The following ABCB5 variants were observed in gnomAD, a reference collection of about 807,000 sequenced individuals.
ABCB5 encodes the protein ATP binding cassette subfamily B member 5, also known as ATP-binding cassette sub-family B member 5.
ABCB5 carries 155 observed loss-of-function variants against 144.2 expected under a neutral mutation model. That is an observed-to-expected ratio of 1.08 (90% CI 0.94 to 1.23). The LOEUF is 1.23. ABCB5 is among the 50% of genes most tolerant of loss of function. ABCB5 has a pLI of 0.00. For synonymous variants in ABCB5, 610 were observed against 528.6 expected, an observed-to-expected ratio of 1.15 and a Z score of -2.11; for missense variants, 1,830 against 1,520.8, an observed-to-expected ratio of 1.20 and a Z score of -3.38.
At chr7:20,748,924 TTG>T (rs1782821197) in intron 26 of ABCB5, among the ~76,000 whole-genome samples, 1 of 152,174 alleles carries the variant, frequency 6.6e-6, no homozygotes, top group African/African-American at 2.4e-5. Flanking sequence ...GCAAATTGAA[TTG>T]TGTCACACTT....
At chr7:20,628,625 G>A (rs953457146) in intron 3 of ABCB5, 63 bp from the exon 4 acceptor site, 29 of 1,543,154 alleles carry the variant, frequency 1.9e-5, no homozygotes, top group African/African-American at 9.5e-5. Flanking sequence ...GTGTGTGTGT[G>A]TGTGTGCTTG....
intron 16 of ABCB5, among the ~76,000 whole-genome samples, chr7:20,693,268 A>T (rs1786295485): frequency 6.6e-6 from 1 of 152,072 alleles, no homozygotes; most frequent in South Asian, 2.1e-4. Context: ...TGGAAGGCTG[A>T]TATAGGAGGA....
At chr7:20,685,544 C>A (rs967927682) in intron 15 of ABCB5, 152 bp from the exon 16 acceptor site, 3 of 616,058 alleles carry the variant, frequency 4.9e-6, no homozygotes, top group Non-Finnish European at 8.1e-6. Context: ...TATCAGCTCT[C>A]TATCAAGCCT....
Position 20,661,534 on chromosome 7 carries a change from C to CTCTTTTTTTTTT in ABCB5, c.1707+2859_1707+2860insCTTTTTTTTTTT, listed in dbSNP as rs1406657803. ...TATTCTTTTTTGCTTTCTTTCTTTT[C>CTCTTTTTTTTTT]TTTTTCTTTTTTTTTTTTTGAGACC... On this transcript the variant is annotated intron_variant, in intron 14 of 27. Transcript: ENST00000404938. 4.8e-4 allele frequency among the ~76,000 whole-genome samples: 64 copies of CTCTTTTTTTTTT among 132,416 alleles called. 2 individuals are homozygous for CTCTTTTTTTTTT. Among genetic ancestry groups the CTCTTTTTTTTTT allele is most frequent in the Admixed American group, 1.8e-3 (24 of 13,502 alleles). 86.9% of individuals were successfully genotyped at this position (132,416 alleles called of 152,430 possible). A position where few individuals can be genotyped will look rare whatever the true frequency, so the allele number is the denominator to read the frequency against.
At chr7:20,632,575 A>G (rs530461885) in intron 5 of ABCB5, among the ~76,000 whole-genome samples, 102 of 152,198 alleles carry the variant, frequency 6.7e-4, no homozygotes, top group African/African-American at 2.1e-3. Flanking sequence ...TGTTTATTGC[A>G]GCACTATTCA....
chr7:20,699,934 G>T lies in ABCB5; in HGVS notation c.2259+5G>T. The T allele has an allele frequency of 6.2e-7, 1 of 1,609,020 alleles. No individual in the cohort carries two copies. The highest frequency in any genetic ancestry group is 2.2e-5 in the East Asian group (1 of 44,740). Reference sequence around the variant, plus strand: ...TTTGTCAGTTATTTCATGCAGGTAAGCTTTTAATAAACAAGCCTGAGCATG... The same window carrying T: ...TTTGTCAGTTATTTCATGCAGGTAATCTTTTAATAAACAAGCCTGAGCATG... On this transcript the variant is annotated splice_donor_5th_base_variant and intron_variant, in intron 18 of 27. Coordinates refer to ENST00000404938, the MANE Select transcript of ABCB5 (RefSeq NM_001163941.2).
In ABCB5 at chr7:20,680,623, G is replaced by T. The variant is rs546435606; in HGVS notation, c.1708-882G>T. On this transcript the variant is annotated intron_variant, in intron 14 of 27. Coordinates refer to ENST00000404938, the MANE Select transcript of ABCB5 (RefSeq NM_001163941.2). ...GAAAAGAGCATGAGATGGACTTGTG[G>T]GTGCTGGTAATGATGGGATTCTTGA... Among the ~76,000 whole-genome samples, 32 of 151,864 alleles carry T rather than the reference G, an allele frequency of 2.1e-4. No homozygotes were observed. In the South Asian group the frequency reaches 6.7e-3, roughly 32 times the overall value.
intron 4 of ABCB5, among the ~76,000 whole-genome samples, chr7:20,629,117 C>T (rs1783974486): frequency 7.4e-6 from 1 of 135,250 alleles, no homozygotes; most frequent in Non-Finnish European, 1.6e-5. Context: ...ATAGGATGTG[C>T]GTTAGAAACA....
At chr7:20,665,698 A>G (rs1583408661) in intron 14 of ABCB5, among the ~76,000 whole-genome samples, 1 of 151,498 alleles carries the variant, frequency 6.6e-6, no homozygotes, top group Non-Finnish European at 1.5e-5. Flanking sequence ...GCAGTGATCC[A>G]TTTATCTGGA....
chr7:20,755,312 TG>T, intron 27 of ABCB5, 114 bp from the exon 28 acceptor site: 1 of 842,620 alleles, frequency 1.2e-6, no homozygotes, highest in Middle Eastern at 3.2e-4. Flanking sequence ...GCAGTTCCTT[TG>T]GGGACAAGCA....
At chr7:20,702,720 G>A (rs140511975) in intron 19 of ABCB5, among the ~76,000 whole-genome samples, 2 of 140,200 alleles carry the variant, frequency 1.4e-5, no homozygotes, top group African/African-American at 5.5e-5. Context: ...GGACTGCAAT[G>A]GCGTGATCTC....
intron 12 of ABCB5, 45 bp downstream of exon 12, chr7:20,650,192 C>G: frequency 6.3e-7 from 1 of 1,599,970 alleles, no homozygotes; most frequent in Non-Finnish European, 8.5e-7. Context: ...CTAATGGAAT[C>G]TGGAAACACC....
chr7:20,632,007 G>A lies in ABCB5; in HGVS notation c.260-52G>A, dbSNP rs1037129269. 4.0e-6 allele frequency: 5 copies of A among 1,252,224 alleles called. No homozygotes were observed. The South Asian group carries it at 7.6e-5, about 19-fold the overall frequency. The allele number at this position is 1,252,224 out of a possible 1,614,324, so 77.6% of individuals were successfully genotyped here. A position where few individuals can be genotyped will look rare whatever the true frequency, so the allele number is the denominator to read the frequency against. ...TTTGGAGGGCTATCTGTGTAACAGTGTGACCAATTATAAATTAATTTCCTC... is the reference window on the plus strand; with the variant it reads ...TTTGGAGGGCTATCTGTGTAACAGTATGACCAATTATAAATTAATTTCCTC... On this transcript the variant is annotated intron_variant, in intron 4 of 27. Transcript: ENST00000404938.
Position 20,750,633 on chromosome 7 carries a change from A to T in ABCB5, c.3430-2727A>T, listed in dbSNP as rs558120199. Among the ~76,000 whole-genome samples, 15 of 152,302 alleles carry T rather than the reference A, an allele frequency of 9.8e-5. No homozygotes were observed. In the South Asian group the frequency reaches 2.9e-3, roughly 29 times the overall value. On this transcript the variant is annotated intron_variant, in intron 26 of 27. Coordinates refer to ENST00000404938, the MANE Select transcript of ABCB5 (RefSeq NM_001163941.2). The stretch of plus-strand genomic sequence containing the variant: ...ATAATATATTATCTATTAAATATAG[A>T]TAACATATCGTATATGTATAATACG...
chr7:20,713,181 T>C (rs1348937135), intron 20 of ABCB5, among the ~76,000 whole-genome samples: 2 of 149,632 alleles, frequency 1.3e-5, no homozygotes, highest in Non-Finnish European at 3.0e-5. Context: ...TTGGTGTCCA[T>C]GGATTCATTT....
intron 14 of ABCB5, among the ~76,000 whole-genome samples, chr7:20,680,549 G>C (rs1006672993): frequency 2.1e-5 from 3 of 145,998 alleles, no homozygotes; most frequent in Non-Finnish European, 3.0e-5. Flanking sequence ...CAGCCTGGGC[G>C]ACAGAGCCAG....
intron 26 of ABCB5, among the ~76,000 whole-genome samples, chr7:20,752,033 A>T (rs1382736534): frequency 1.3e-5 from 2 of 152,220 alleles, no homozygotes; most frequent in Admixed American, 1.3e-4. Flanking sequence ...GGTTCGTGAC[A>T]CCAACTCTGT....
rs749215054 is a variant in ABCB5, at chr7:20,728,387, T to C, written c.2799T>C (p.Tyr933=). 1 of 1,614,174 alleles carries C rather than the reference T, an allele frequency of 6.2e-7. No individual in the cohort carries two copies. The highest frequency in any genetic ancestry group is 1.1e-5 in the South Asian group (1 of 91,086). ...AFSHAFIYFA[Y]AAGFRFGAYL... ...GCCATGCCTTTATATATTTTGCCTA[T>C]GCGGCAGGGTTTCGATTTGGAGCCT... Residue 933 remains tyrosine, a synonymous_variant, in exon 23 of 28, where the codon TAT becomes TAC. Transcript: ENST00000404938.
At chr7:20,650,257 G>C (rs1391439785) in intron 12 of ABCB5, 110 bp downstream of exon 12, 1 of 1,374,348 alleles carries the variant, frequency 7.3e-7, no homozygotes, top group Non-Finnish European at 9.7e-7. Context: ...TGGGAGAGAA[G>C]CCATATTGTT....
Sources: gnomAD v4.1 joint callset for allele counts (sites outside exome capture counted in the v4.1 genomes callset) on GRCh38, gnomAD v4.1.1 for gene constraint, MANE v1.5 for transcripts, NCBI Gene and HGNC (gene_info 2026-07-23, HGNC 2026-07-21) for gene names.